The following NR2E1 variants were observed in gnomAD, a reference collection of about 807,000 sequenced individuals.
The protein encoded by NR2E1 is nuclear receptor subfamily 2 group E member 1.
A neutral mutation model predicts 43.6 loss-of-function variants in NR2E1; 5 were observed. The ratio of observed to expected loss-of-function variants is 0.11; its 90% CI spans 0.06 to 0.24. The LOEUF (loss-of-function observed/expected upper bound fraction) is 0.24. NR2E1 is among the 10% of genes least tolerant of loss of function. The pLI, the probability that NR2E1 is intolerant of heterozygous loss-of-function variation, is 1.00. For synonymous variants in NR2E1, 191 were observed against 195.5 expected, an observed-to-expected ratio of 0.98 and a Z score of 0.19; for missense variants, 287 against 496.7, an observed-to-expected ratio of 0.58 and a Z score of 4.01.
intron 8 of NR2E1, among the ~76,000 whole-genome samples, chr6:108,186,417 C>T (rs189571172): frequency 7.9e-5 from 12 of 152,312 alleles, no homozygotes; most frequent in Admixed American, 5.2e-4. Context: ...CCACCTGACT[C>T]CTTCGAAGGA....
rs545667448 is a variant in NR2E1 at position 108,175,571 on chromosome 6, A to T, written c.259+648A>T. On this transcript the variant is annotated intron_variant, in intron 3 of 8. Coordinates refer to ENST00000368986, the MANE Select transcript of NR2E1 (RefSeq NM_003269.5). ...AGGCTCTTAAGCGCGCAACAGCAAGAACCAGGACGTCAGAGTGCTTCCTGG... is the reference window on the plus strand; with the variant it reads ...AGGCTCTTAAGCGCGCAACAGCAAGTACCAGGACGTCAGAGTGCTTCCTGG... Among the ~76,000 whole-genome samples the T allele has an allele frequency of 1.5e-4, 23 of 152,302 alleles. 1 individual carries two copies. The highest frequency in any genetic ancestry group is 3.4e-3 in the Middle Eastern group (1 of 294).
intron 1 of NR2E1, among the ~76,000 whole-genome samples, chr6:108,167,792 C>T (rs573212350): frequency 6.6e-6 from 1 of 152,106 alleles, no homozygotes; most frequent in East Asian, 1.9e-4. Flanking sequence ...GCGCTCTGTG[C>T]GTTCCTTCCC....
chr6:108,185,086 GA>G (rs1177257223), intron 8 of NR2E1, among the ~76,000 whole-genome samples: 2 of 152,014 alleles, frequency 1.3e-5, no homozygotes, highest in Non-Finnish European at 2.9e-5. Context: ...TTCCTGTCTA[GA>G]AAAATAAAAC....
At chr6:108,172,324 T>A (rs217521) in intron 2 of NR2E1, among the ~76,000 whole-genome samples, 8,020 of 152,216 alleles carry the variant, frequency 0.053, 741 homozygotes, top group African/African-American at 0.18. Context: ...AGCTTCCATA[T>A]CCCTGTCCTC....
At position 108,169,062 on chromosome 6, in the gene NR2E1, C is replaced by T. The variant is rs1346913345; in HGVS notation, c.25+2272C>T. On this transcript the variant is annotated intron_variant, in intron 1 of 8. Coordinates refer to ENST00000368986, the MANE Select transcript of NR2E1 (RefSeq NM_003269.5). The surrounding 1 kb of genome is among the most constrained non-coding windows in gnomAD (Gnocchi z 6.1). ...CCGGCTCGCCTCACGTCGGAGCTCGCTCGGCTTGCTAAATGAGAGGAGCTT... is the reference window on the plus strand; with the variant it reads ...CCGGCTCGCCTCACGTCGGAGCTCGTTCGGCTTGCTAAATGAGAGGAGCTT... 6.6e-6 allele frequency: 1 copy of T among 152,260 alleles called. No individual in the cohort carries two copies. The highest frequency in any genetic ancestry group is 1.5e-5 in the Non-Finnish European group (1 of 68,046). 9.4% of individuals were successfully genotyped at this position (152,260 alleles called of 1,614,324 possible). A position where few individuals can be genotyped will look rare whatever the true frequency, so the allele number is the denominator to read the frequency against.
chr6:108,175,005 C>A, intron 3 of NR2E1, 82 bp downstream of exon 3: 1 of 1,284,762 alleles, frequency 7.8e-7, no homozygotes, highest in Non-Finnish European at 1.1e-6. Flanking sequence ...CACTCCTATG[C>A]ATGTAAATCA....
chr6:108,186,535 G>T (rs904166438), intron 8 of NR2E1, among the ~76,000 whole-genome samples: 2 of 152,156 alleles, frequency 1.3e-5, no homozygotes, highest in African/African-American at 4.8e-5. Context: ...TTTCAGTGGA[G>T]GGAGCTCTCC....
Position 108,180,395 on chromosome 6 carries a change from G to A in NR2E1, c.715G>A (p.Ala239Thr). The change falls in exon 6 of 9, where the codon GCT (alanine) becomes ACT (threonine). Residue 239 changes from alanine to threonine, a missense_variant. Ala to Thr is a moderately conservative substitution (Grantham distance 58). Around this residue, in one of 4 missense-constraint regions of NR2E1, gnomAD observed 119 missense variants for 187.0 expected, o/e 0.64. Coordinates refer to ENST00000368986, the MANE Select transcript of NR2E1 (RefSeq NM_003269.5). This position sits in a 1 kb window ranked among gnomAD's most constrained non-coding sequence, Gnocchi z 5.4. ...GIAQWAIPVD[A>T]NTLLAVSGMN... ...AGCACAATGGGCCATTCCGGTTGAT[G>A]CTAACACTCTACTGGCTGTATCTGG... 6.2e-7 allele frequency: 1 copy of A among 1,610,568 alleles called. No individual in the cohort carries two copies. The highest frequency in any genetic ancestry group is 8.5e-7 in the Non-Finnish European group (1 of 1,176,880).
Position 108,188,498 on chromosome 6 carries a change from AATGAAC to A in NR2E1, c.*1037_*1042del, listed in dbSNP as rs1287938380. On this transcript the variant is annotated 3_prime_UTR_variant, in exon 9 of 9. Transcript: ENST00000368986. ...AAAACTGGTTTCTAGTAAAGCCTTGAATGAACACACACACACACACACACACACACA... is the reference window on the plus strand; with the variant it reads ...AAAACTGGTTTCTAGTAAAGCCTTGAACACACACACACACACACACACACA... 1.5e-5 allele frequency: 2 copies of A among 130,808 alleles called. No homozygotes were observed. Among genetic ancestry groups the A allele is most frequent in the South Asian group, 2.4e-4 (1 of 4,104 alleles). The allele number at this position is 130,808 out of a possible 1,614,324, so 8.1% of individuals were successfully genotyped here.
At chr6:108,176,900 G>A (rs1773908912) in intron 4 of NR2E1, among the ~76,000 whole-genome samples, 162 bp downstream of exon 4, 1 of 152,306 alleles carries the variant, frequency 6.6e-6, no homozygotes, top group East Asian at 1.9e-4. Context: ...GCTCTCCCTT[G>A]TTCAGCCAGG....
chr6:108,167,299 C>G (rs376692874), intron 1 of NR2E1, among the ~76,000 whole-genome samples: 2 of 152,182 alleles, frequency 1.3e-5, no homozygotes, highest in East Asian at 1.9e-4. Context: ...TTCCTTAATC[C>G]TAAATCCGCG....
intron 8 of NR2E1, among the ~76,000 whole-genome samples, chr6:108,183,197 C>T (rs1339751344): frequency 2.0e-5 from 3 of 152,110 alleles, no homozygotes; most frequent in African/African-American, 7.2e-5. Context: ...ACTGGGCAAG[C>T]CCATTAAGAA....
In NR2E1 at chr6:108,187,479, A is replaced by G. The variant is rs1774093736; in HGVS notation, c.*16A>G. ...TGATATCTAAGCTCACAAGATACCC[A>G]CTTTTCAGGATGGGACAGTATCAGA... is the stretch of plus-strand genomic sequence containing the variant. On this transcript the variant is annotated 3_prime_UTR_variant, in exon 9 of 9. Coordinates refer to ENST00000368986, the MANE Select transcript of NR2E1 (RefSeq NM_003269.5). 1 of 1,613,658 alleles carries G rather than the reference A, an allele frequency of 6.2e-7. No homozygotes were observed. Among genetic ancestry groups the G allele is most frequent in the Non-Finnish European group, 8.5e-7 (1 of 1,179,672 alleles).
rs572472107 is a variant in NR2E1 at position 108,167,243 on chromosome 6, A to T, written c.25+453A>T. Among the ~76,000 whole-genome samples, 10 of 152,268 alleles carry T rather than the reference A, an allele frequency of 6.6e-5. No homozygotes were observed. In the South Asian group the frequency reaches 1.7e-3, roughly 25 times the overall value. On this transcript the variant is annotated intron_variant, in intron 1 of 8. Coordinates refer to ENST00000368986, the MANE Select transcript of NR2E1 (RefSeq NM_003269.5). ...TTGCACCCCGTTTCTAGCTATTTCA[A>T]ATAATCCTGCAAACTGGGAAGCAGA...
At chr6:108,174,790 A>G in intron 2 of NR2E1, 46 bp from the exon 3 acceptor site, 1 of 1,557,336 alleles carries the variant, frequency 6.4e-7, no homozygotes, top group Non-Finnish European at 8.9e-7. Flanking sequence ...CCGGGTCTCC[A>G]GCCTAAAGGC....
intron 3 of NR2E1, chr6:108,176,220 C>T (rs140382907): frequency 1.9e-6 from 1 of 522,412 alleles, no homozygotes; most frequent in African/African-American, 1.9e-5. Context: ...AGCCCTGGAC[C>T]GAAGGAGAAC....
chr6:108,181,254 C>T (rs1233969552), intron 7 of NR2E1, among the ~76,000 whole-genome samples: 1 of 151,998 alleles, frequency 6.6e-6, no homozygotes, highest in Non-Finnish European at 1.5e-5. Flanking sequence ...AGTCCAATGG[C>T]ACCATCTCAG....
chr6:108,171,413 C>T (rs201583977), intron 1 of NR2E1, 45 bp from the exon 2 acceptor site: 348 of 1,608,182 alleles, frequency 2.2e-4, no homozygotes, highest in Non-Finnish European at 2.7e-4. Flanking sequence ...GCCCTCCTTT[C>T]CCTCTCGCCC....
Position 108,166,502 on chromosome 6 carries a change from G to T in NR2E1, c.-264G>T, listed in dbSNP as rs1773710256. On this transcript the variant is annotated 5_prime_UTR_variant, in exon 1 of 9. Transcript: ENST00000368986. This position sits in a 1 kb window ranked among gnomAD's most constrained non-coding sequence, Gnocchi z 7.2. ...CATCTCTCCATCTGTCTGTCCATGT[G>T]TGTGTCCATATCAAGCAGCATTCCC... is the stretch of plus-strand genomic sequence containing the variant. 6.3e-6 allele frequency: 3 copies of T among 475,058 alleles called. No homozygotes were observed. The highest frequency in any genetic ancestry group is 7.3e-6 in the Non-Finnish European group (2 of 272,698). The allele number at this position is 475,058 out of a possible 1,614,324, so 29.4% of individuals were successfully genotyped here.
Sources: gnomAD v4.1 joint callset for allele counts (sites outside exome capture counted in the v4.1 genomes callset) on GRCh38, gnomAD v4.1.1 for gene constraint, gnomAD v4.1.1 regional missense constraint, Gnocchi (gnomAD v3.1) non-coding constraint, MANE v1.5 for transcripts, NCBI Gene and HGNC (gene_info 2026-07-23, HGNC 2026-07-21) for gene names.